EYA1: variants seen among roughly 807,000 people sequenced by gnomAD.
EYA1 encodes the protein EYA transcriptional coactivator and phosphatase 1.
In EYA1, 16 loss-of-function variants were observed where a neutral mutation model predicts 82.0. That is an observed-to-expected ratio of 0.20 (90% confidence interval 0.13 to 0.30). EYA1 has a LOEUF of 0.30. Among genes scored for constraint, EYA1 ranks in the 10% least tolerant of loss-of-function variants. The probability of loss-of-function intolerance (pLI) is 1.00; values close to 1 mark genes in which losing one functional copy is unlikely to be tolerated. For missense variants in EYA1, 633 were observed against 730.7 expected (o/e 0.87, Z 1.54); for synonymous variants, 261 against 264.4 (o/e 0.99, Z 0.12).
chr8:71,498,297 A>G (rs1474569882), intron 2 of EYA1, among the ~76,000 whole-genome samples: 1 of 152,226 alleles, frequency 6.6e-6, no homozygotes, highest in African/African-American at 2.4e-5. Context: ...TCAAAACAGT[A>G]TGTTGTACAT....
rs565997959 is a variant in EYA1 at position 71,315,647 on chromosome 8, A to T, written c.556+1905T>A. Among the ~76,000 whole-genome samples the T allele has an allele frequency of 2.0e-5, 3 of 152,316 alleles. No homozygotes were observed. The East Asian group carries it at 5.8e-4, about 29-fold the overall frequency. ...ACAGACCTTGTCTGCCTTATGATCC[A>T]TTTTATTACTAGAGCCTAGGACTGT... is the stretch of plus-strand genomic sequence containing the variant. On this transcript the variant is annotated intron_variant, in intron 7 of 17. Coordinates refer to ENST00000340726, the MANE Select transcript of EYA1 (RefSeq NM_000503.6).
intron 8 of EYA1, 63 bp from the exon 9 acceptor site, chr8:71,299,296 A>G (rs571509640): frequency 4.6e-6 from 7 of 1,507,024 alleles, no homozygotes; most frequent in Non-Finnish European, 6.5e-6. Flanking sequence ...CTTACATATC[A>G]AAGTGTAACT....
At chr8:71,451,766 TCAAGACTTAG>T (rs1807398055) in intron 2 of EYA1, among the ~76,000 whole-genome samples, 1 of 152,204 alleles carries the variant, frequency 6.6e-6, no homozygotes, top group Non-Finnish European at 1.5e-5. Context: ...GATCATTTCA[TCAAGACTTAG>T]CATATGCAGG....
At chr8:71,288,708 G>C (rs1005894815) in intron 9 of EYA1, among the ~76,000 whole-genome samples, 1 of 152,258 alleles carries the variant, frequency 6.6e-6, no homozygotes, top group South Asian at 2.1e-4. Context: ...TCACAGAAAC[G>C]ATGTCAGACA....
intron 9 of EYA1, among the ~76,000 whole-genome samples, chr8:71,272,502 G>A (rs1816666535): frequency 6.6e-6 from 1 of 151,972 alleles, no homozygotes; most frequent in Non-Finnish European, 1.5e-5. Flanking sequence ...GCTCTTCCTC[G>A]GTCCTAGTCC....
intron 1 of EYA1, among the ~76,000 whole-genome samples, chr8:71,358,950 T>C (rs2129075114): frequency 6.6e-6 from 1 of 152,320 alleles, no homozygotes; most frequent in African/African-American, 2.4e-5. Context: ...CCCATAAACT[T>C]AGCATGTTTC....
rs192519160 is a variant in EYA1 at position 71,304,603 on chromosome 8, A to G, written c.557-4883T>C. Among the ~76,000 whole-genome samples the G allele has an allele frequency of 1.7e-3, 236 of 142,796 alleles. 34 individuals are homozygous for G. Among genetic ancestry groups the G allele is most frequent in the Non-Finnish European group, 3.1e-3 (195 of 62,780 alleles). 93.7% of individuals were successfully genotyped at this position (142,796 alleles called of 152,430 possible). ...AAATCCACATGTTTACCAAATACCTATAAGTGTCTGATTTTTAGTACCAAT... is the reference window on the plus strand; with the variant it reads ...AAATCCACATGTTTACCAAATACCTGTAAGTGTCTGATTTTTAGTACCAAT... On this transcript the variant is annotated intron_variant, in intron 7 of 17. Coordinates refer to ENST00000340726, the MANE Select transcript of EYA1 (RefSeq NM_000503.6).
At chr8:71,392,455 G>A (rs1829334275) in intron 2 of EYA1, among the ~76,000 whole-genome samples, 1 of 152,128 alleles carries the variant, frequency 6.6e-6, no homozygotes, top group African/African-American at 2.4e-5. Context: ...ATCAAGTTTT[G>A]CTCTTCCTCC....
chr8:71,200,401 T>C (rs59992544), intron 17 of EYA1, among the ~76,000 whole-genome samples: 19,693 of 152,228 alleles, frequency 0.13, 2,309 homozygotes, highest in East Asian at 0.58. Flanking sequence ...GTGAAAGCCA[T>C]GACTATTTTG....
intron 2 of EYA1, among the ~76,000 whole-genome samples, chr8:71,435,188 T>C (rs1338004806): frequency 6.6e-6 from 1 of 152,166 alleles, no homozygotes; most frequent in African/African-American, 2.4e-5. Flanking sequence ...ACTCACTCCA[T>C]TTATTATGAT....
chr8:71,336,952 C>A (rs1824561502), intron 3 of EYA1, among the ~76,000 whole-genome samples: 1 of 152,290 alleles, frequency 6.6e-6, no homozygotes, highest in South Asian at 2.1e-4. Context: ...GAAACAGAGA[C>A]TACTTCTGGC....
intron 2 of EYA1, among the ~76,000 whole-genome samples, chr8:71,386,554 G>C (rs530427284): frequency 6.6e-6 from 1 of 152,314 alleles, no homozygotes; most frequent in African/African-American, 2.4e-5. Flanking sequence ...GCCATGAGTT[G>C]ACAATAGCTA....
rs1447194395 is a variant in EYA1 at position 71,463,618 on chromosome 8, TCTCTCTCTCTCTCTCC to T, written c.33+72110_33+72125del. On this transcript the variant is annotated intron_variant, in intron 2 of 18. Transcript: ENST00000643681. The stretch of plus-strand genomic sequence containing the variant: ...CTCTCTCTCTCTCTCTCTCTCTCTC[TCTCTCTCTCTCTCTCC>T]CTCCCTCCCCCCTCCCACACACACA... 3.3e-3 allele frequency among the ~76,000 whole-genome samples: 299 copies of T among 90,570 alleles called. 1 individual carries two copies. The highest frequency in any genetic ancestry group is 5.0e-3 in the Non-Finnish European group (242 of 48,238). 59.4% of individuals were successfully genotyped at this position (90,570 alleles called of 152,430 possible).
At chr8:71,448,841 C>T (rs2129177387) in intron 2 of EYA1, 1 of 168,018 alleles carries the variant, frequency 6.0e-6, no homozygotes, top group African/African-American at 2.4e-5. Context: ...AGAAACTGAA[C>T]TTTTCTGTCA....
rs193204966 is a variant in EYA1 at position 71,424,983 on chromosome 8, G to A, written c.34-68472C>T. ...TCTAAGAAAATGCACATTTTAGGCC[G>A]GGCGCGGTGGCTCACGCCTGTAATC... On this transcript the variant is annotated intron_variant, in intron 2 of 18. Coordinates refer to the EYA1 transcript ENST00000643681. Among the ~76,000 whole-genome samples the A allele has an allele frequency of 2.8e-4, 42 of 151,930 alleles. No individual in the cohort carries two copies. In the East Asian group the frequency reaches 6.8e-3, roughly 25 times the overall value.
At chr8:71,248,626 C>T (rs1426622621) in intron 11 of EYA1, among the ~76,000 whole-genome samples, 1 of 152,126 alleles carries the variant, frequency 6.6e-6, no homozygotes, top group Non-Finnish European at 1.5e-5. Flanking sequence ...GCCATCTCAC[C>T]CTGAGTGTTT....
At chr8:71,365,716 A>G (rs1480093657), upstream of EYA1, among the ~76,000 whole-genome samples, 2 of 152,252 alleles carry the variant, frequency 1.3e-5, no homozygotes, top group East Asian at 3.9e-4. Flanking sequence ...GGCTGACACT[A>G]TGATCCTTGT....
intron 2 of EYA1, among the ~76,000 whole-genome samples, chr8:71,492,462 A>G (rs543235335): frequency 4.0e-5 from 5 of 124,288 alleles, no homozygotes; most frequent in African/African-American, 1.3e-4. Context: ...TTATTTATTT[A>G]TTATTATTTT....
chr8:71,515,263 C>A (rs1812892152), intron 2 of EYA1, among the ~76,000 whole-genome samples: 1 of 152,080 alleles, frequency 6.6e-6, no homozygotes, highest in African/African-American at 2.4e-5. Flanking sequence ...GATGTGCATT[C>A]CCACAGCTGG....
Sources: gnomAD v4.1 joint callset for allele counts (sites outside exome capture counted in the v4.1 genomes callset) on GRCh38, gnomAD v4.1.1 for gene constraint, MANE v1.5 for transcripts, NCBI Gene and HGNC (gene_info 2026-07-23, HGNC 2026-07-21) for gene names.